ADGRV1: variants seen among roughly 807,000 people sequenced by gnomAD.
The protein encoded by ADGRV1 is G-protein coupled receptor 98.
A neutral mutation model predicts 596.2 loss-of-function variants in ADGRV1; 359 were observed. The observed-to-expected ratio is 0.60, with a 90% CI of 0.55 to 0.66. The LOEUF (loss-of-function observed/expected upper bound fraction) is 0.66, where lower values mean the gene tolerates loss of function less well. ADGRV1 is among the 30% of genes least tolerant of loss of function. The pLI, the probability that ADGRV1 is intolerant of heterozygous loss-of-function variation, is 0.00. For synonymous variants in ADGRV1, 2,681 were observed against 2,679.2 expected (o/e 1.00, Z -0.02); for missense variants, 7,274 against 7,575.6 (o/e 0.96, Z 1.48).
chr5:91,113,408 T>A (rs1276430622), intron 87 of ADGRV1, among the ~76,000 whole-genome samples: 2 of 152,170 alleles, frequency 1.3e-5, no homozygotes, highest in African/African-American at 4.8e-5. Flanking sequence ...TAAGTTCAAA[T>A]TTTTCCCTCT....
At chr5:90,895,789 G>C (rs1181738664) in intron 83 of ADGRV1, among the ~76,000 whole-genome samples, 1 of 152,136 alleles carries the variant, frequency 6.6e-6, no homozygotes, top group African/African-American at 2.4e-5. Context: ...GTGTAACAGG[G>C]AGCATACAGC....
intron 27 of ADGRV1, among the ~76,000 whole-genome samples, chr5:90,682,225 A>G (rs867625876): frequency 2.6e-5 from 4 of 152,172 alleles, no homozygotes; most frequent in South Asian, 2.1e-4. Context: ...CACCAAGGCT[A>G]TATCTCAGCA....
chr5:91,143,217 T>A (rs1283101572), intron 87 of ADGRV1, among the ~76,000 whole-genome samples: 1 of 152,206 alleles, frequency 6.6e-6, no homozygotes, highest in African/African-American at 2.4e-5. Flanking sequence ...AGGGTGTCAC[T>A]GCCCTGGCTT....
intron 89 of ADGRV1, among the ~76,000 whole-genome samples, chr5:91,155,413 A>G (rs2126927592): frequency 6.6e-6 from 1 of 152,290 alleles, no homozygotes; most frequent in East Asian, 1.9e-4. Flanking sequence ...GGGCAGCAGA[A>G]GGCAGGCCTG....
chr5:90,771,563 C>A (rs1757695945), intron 59 of ADGRV1, among the ~76,000 whole-genome samples: 1 of 152,094 alleles, frequency 6.6e-6, no homozygotes, highest in Non-Finnish European at 1.5e-5. Flanking sequence ...AACTTAATAT[C>A]TACATCATAG....
chr5:90,563,700 T>C (rs1245644581), intron 1 of ADGRV1, among the ~76,000 whole-genome samples: 1 of 152,178 alleles, frequency 6.6e-6, no homozygotes, highest in Non-Finnish European at 1.5e-5. Flanking sequence ...AAGAATTTTG[T>C]TGGGAATAGG....
At chr5:90,919,908 C>T (rs988507948) in intron 83 of ADGRV1, among the ~76,000 whole-genome samples, 5 of 148,240 alleles carry the variant, frequency 3.4e-5, no homozygotes, top group African/African-American at 7.5e-5. Context: ...GCAGGAGAAT[C>T]GCTTGGACCC....
intron 1 of ADGRV1, among the ~76,000 whole-genome samples, chr5:90,584,843 A>C (rs1019472109): frequency 2.0e-5 from 3 of 152,204 alleles, no homozygotes; most frequent in Non-Finnish European, 4.4e-5. Flanking sequence ...CATAGAACCC[A>C]CGTTTAAGAA....
chr5:91,060,378 G>GTATA (rs199745758), intron 85 of ADGRV1, among the ~76,000 whole-genome samples: 6 of 77,116 alleles, frequency 7.8e-5, no homozygotes, highest in South Asian at 4.8e-4. Context: ...ATGTGTGTGT[G>GTATA]TATATATATA....
At chr5:91,000,093 T>C (rs563156491) in intron 85 of ADGRV1, among the ~76,000 whole-genome samples, 81 of 152,282 alleles carry the variant, frequency 5.3e-4, no homozygotes, top group African/African-American at 1.9e-3. Context: ...GGTATCCTCA[T>C]CATTCAGATA....
At chr5:90,642,826 G>A (rs1298665033) in intron 12 of ADGRV1, 30 bp from the exon 13 acceptor site, 11 of 1,598,996 alleles carry the variant, frequency 6.9e-6, no homozygotes, top group East Asian at 2.2e-5. Flanking sequence ...ATCTCAAAGG[G>A]TTTCAACTTT....
chr5:90,738,207 TTA>T (rs2149868948), intron 50 of ADGRV1, among the ~76,000 whole-genome samples: 1 of 152,248 alleles, frequency 6.6e-6, no homozygotes, highest in South Asian at 2.1e-4. Context: ...AACTATATTT[TTA>T]TGTTCTCTCC....
intron 52 of ADGRV1, among the ~76,000 whole-genome samples, chr5:90,746,700 G>A (rs1754668867): frequency 6.6e-6 from 1 of 152,062 alleles, no homozygotes; most frequent in South Asian, 2.1e-4. Context: ...GTTCATTTGG[G>A]GCAGAGAGAG....
At chr5:90,703,590 T>G in intron 34 of ADGRV1, 75 bp from the exon 35 acceptor site, 1 of 1,078,248 alleles carries the variant, frequency 9.3e-7, no homozygotes, top group Non-Finnish European at 1.3e-6. Context: ...ATGCTTGGGA[T>G]TTGGGTTTTG....
At chr5:91,115,525 A>G (rs1792776975) in intron 87 of ADGRV1, among the ~76,000 whole-genome samples, 1 of 152,214 alleles carries the variant, frequency 6.6e-6, no homozygotes, top group Non-Finnish European at 1.5e-5. Context: ...CAAAACTAAA[A>G]CAATAAATAT....
intron 1 of ADGRV1, among the ~76,000 whole-genome samples, chr5:90,609,401 C>T (rs374753435): frequency 9.9e-5 from 15 of 151,720 alleles, no homozygotes; most frequent in East Asian, 1.9e-4. Context: ...AGAGACTATT[C>T]GTTTTATTTA....
intron 70 of ADGRV1, among the ~76,000 whole-genome samples, chr5:90,794,106 C>T (rs1234827795): frequency 6.6e-6 from 1 of 152,226 alleles, no homozygotes; most frequent in Non-Finnish European, 1.5e-5. Flanking sequence ...TGTCCTCCCT[C>T]TTCTACCTTC....
chr5:91,117,160 G>A (rs912533735), intron 87 of ADGRV1, among the ~76,000 whole-genome samples: 2 of 152,092 alleles, frequency 1.3e-5, no homozygotes, highest in Admixed American at 1.3e-4. Context: ...ATTCCTCATA[G>A]CACAATTGAT....
intron 1 of ADGRV1, among the ~76,000 whole-genome samples, chr5:90,607,048 A>G (rs575658322): frequency 7.2e-5 from 11 of 152,184 alleles, no homozygotes; most frequent in African/African-American, 2.6e-4. Flanking sequence ...ACCTTCAGAT[A>G]GTTACCTTTA....
Sources: gnomAD v4.1 joint callset for allele counts (sites outside exome capture counted in the v4.1 genomes callset) on GRCh38, gnomAD v4.1.1 for gene constraint, MANE v1.5 for transcripts, NCBI Gene and HGNC (gene_info 2026-07-23, HGNC 2026-07-21) for gene names.